Variants in CDH23 observed in about 807,000 individuals in gnomAD.
The protein encoded by CDH23 is cadherin-23.
CDH23 carries 189 observed loss-of-function variants against 317.1 expected under a neutral mutation model. The observed-to-expected ratio is 0.60, with a 90% CI of 0.53 to 0.67. The LOEUF is 0.67. CDH23 is among the 30% of genes least tolerant of loss of function. The pLI is 0.00. For missense variants in CDH23, 4,401 were observed against 4,592.4 expected, an observed-to-expected ratio of 0.96 and a Z score of 1.20; for synonymous variants, 1,839 against 1,876.8, an observed-to-expected ratio of 0.98 and a Z score of 0.52.
intron 6 of CDH23, among the ~76,000 whole-genome samples, chr10:71,557,375 C>T (rs1393891975): frequency 6.6e-6 from 1 of 152,156 alleles, no homozygotes; most frequent in Non-Finnish European, 1.5e-5. Context: ...GGAGTGTCCA[C>T]CCTCCTGTCT....
intron 1 of CDH23, among the ~76,000 whole-genome samples, chr10:71,430,371 G>C (rs1849314279): frequency 6.6e-6 from 1 of 152,076 alleles, no homozygotes; most frequent in Non-Finnish European, 1.5e-5. Flanking sequence ...TGGTGGAGGG[G>C]GTATAACTTG....
At chr10:71,489,839 C>T (rs1005587577) in intron 3 of CDH23, among the ~76,000 whole-genome samples, 1 of 152,202 alleles carries the variant, frequency 6.6e-6, no homozygotes, top group African/African-American at 2.4e-5. Context: ...GCTGCAAATG[C>T]AGATGTGGGC....
At chr10:71,578,586 C>T (rs751263178) in intron 9 of CDH23, among the ~76,000 whole-genome samples, 2 of 152,156 alleles carry the variant, frequency 1.3e-5, no homozygotes, top group Non-Finnish European at 2.9e-5. Context: ...GATGGGATCC[C>T]TGACCCACGC....
At chr10:71,506,688 A>G (rs1209585092) in intron 3 of CDH23, among the ~76,000 whole-genome samples, 1 of 152,062 alleles carries the variant, frequency 6.6e-6, no homozygotes, top group Non-Finnish European at 1.5e-5. Flanking sequence ...CAGCTTCTGT[A>G]GAGAGGCAGA....
intron 11 of CDH23, among the ~76,000 whole-genome samples, chr10:71,622,720 G>A (rs1489148864): frequency 6.6e-6 from 1 of 152,204 alleles, no homozygotes; most frequent in Admixed American, 6.5e-5. Context: ...CTCCAGAGCT[G>A]GGAGCATTTG....
intron 3 of CDH23, among the ~76,000 whole-genome samples, chr10:71,453,782 AAAGC>A (rs2132041340): frequency 6.6e-6 from 1 of 152,378 alleles, no homozygotes; most frequent in South Asian, 2.1e-4. Context: ...GGCTGGTGGC[AAAGC>A]CACAGGAATT....
At chr10:71,632,992 G>A (rs1862087857) in intron 11 of CDH23, among the ~76,000 whole-genome samples, 2 of 152,140 alleles carry the variant, frequency 1.3e-5, no homozygotes, top group South Asian at 2.1e-4. Context: ...GCAGAGTCAC[G>A]GGGTGGTGCA....
chr10:71,571,860 G>A (rs1857838440), intron 8 of CDH23, among the ~76,000 whole-genome samples: 1 of 152,232 alleles, frequency 6.6e-6, no homozygotes, highest in African/African-American at 2.4e-5. Flanking sequence ...GAGCGTTCAG[G>A]GCCCCACCCG....
chr10:71,667,359 A>AGAGAGAGTGTGTGT lies in CDH23; in HGVS notation c.1450-7752_1450-7751insAGAGAGTGTGTGTG, dbSNP rs58361666. Among the ~76,000 whole-genome samples, 1,050 of 111,988 alleles carry AGAGAGAGTGTGTGT rather than the reference A, an allele frequency of 9.4e-3. 7 individuals are homozygous for AGAGAGAGTGTGTGT. The highest frequency in any genetic ancestry group is 0.03 in the Middle Eastern group (7 of 230). 73.5% of individuals were successfully genotyped at this position (111,988 alleles called of 152,430 possible). The stretch of plus-strand genomic sequence containing the variant: ...GCTTGAGGCAGAGAAAGAGAGAGAG[A>AGAGAGAGTGTGTGT]GTGTGTGTGTGTGTGTGTGTGTGTG... On this transcript the variant is annotated intron_variant, in intron 14 of 69. Transcript: ENST00000224721.
At chr10:71,511,239 G>C in intron 6 of CDH23, 27 bp downstream of exon 6, 1 of 1,585,442 alleles carries the variant, frequency 6.3e-7, no homozygotes, top group Non-Finnish European at 8.7e-7. Context: ...TTACCCTTGA[G>C]GGTATCAGAG....
chr10:71,661,580 A>G (rs1451685257), intron 14 of CDH23, among the ~76,000 whole-genome samples: 1 of 152,084 alleles, frequency 6.6e-6, no homozygotes, highest in Non-Finnish European at 1.5e-5. Context: ...CTCTTCTCTC[A>G]GTGGGTTTCT....
intron 6 of CDH23, among the ~76,000 whole-genome samples, chr10:71,520,248 C>T (rs1265154068): frequency 1.3e-5 from 2 of 152,188 alleles, no homozygotes; most frequent in African/African-American, 4.8e-5. Context: ...AACTGACATT[C>T]CAGTGGCAGT....
chr10:71,528,996 G>C (rs1460113981), intron 6 of CDH23, among the ~76,000 whole-genome samples: 8 of 151,556 alleles, frequency 5.3e-5, no homozygotes, highest in Admixed American at 6.6e-5. Context: ...CTGTTCTATG[G>C]GAGGGTCTCT....
chr10:71,668,928 C>A (rs1864026411), intron 14 of CDH23, among the ~76,000 whole-genome samples: 1 of 152,230 alleles, frequency 6.6e-6, no homozygotes, highest in Non-Finnish European at 1.5e-5. Flanking sequence ...TAAGCACTTG[C>A]AGATGCGATT....
intron 38 of CDH23, among the ~76,000 whole-genome samples, chr10:71,770,006 A>G (rs373018171): frequency 6.6e-6 from 1 of 152,152 alleles, no homozygotes; most frequent in Non-Finnish European, 1.5e-5. Flanking sequence ...GGCATTTCAG[A>G]CTGTGAGGGC....
chr10:71,519,759 T>C lies in CDH23; in HGVS notation c.429+8547T>C, dbSNP rs371528084. 7.9e-5 allele frequency among the ~76,000 whole-genome samples: 12 copies of C among 152,322 alleles called. No homozygotes were observed. The East Asian group carries it at 1.5e-3, about 20-fold the overall frequency. The stretch of plus-strand genomic sequence containing the variant: ...GGTTGTACTTGGTAACTGATGGGTA[T>C]TACCTTTTTTCTTTTCTTTTTCTTT... On this transcript the variant is annotated intron_variant, in intron 6 of 69. Transcript: ENST00000224721.
chr10:71,718,624 C>T (rs1442777809), intron 28 of CDH23, among the ~76,000 whole-genome samples: 5 of 152,198 alleles, frequency 3.3e-5, no homozygotes, highest in Non-Finnish European at 7.3e-5. Flanking sequence ...CAATGCTTGG[C>T]CAGGAGTAAG....
chr10:71,627,510 A>G (rs1420320280), intron 11 of CDH23, among the ~76,000 whole-genome samples: 3 of 152,046 alleles, frequency 2.0e-5, no homozygotes, highest in Admixed American at 6.5e-5. Context: ...ACACCTCCTA[A>G]TTTAGTCTCT....
Position 71,751,255 on chromosome 10 carries a change from A to G in CDH23, c.4845+9334A>G, listed in dbSNP as rs1564774557. On this transcript the variant is annotated intron_variant, in intron 38 of 69. Coordinates refer to ENST00000224721, the MANE Select transcript of CDH23 (RefSeq NM_022124.6). The surrounding 1 kb of genome is among the most constrained non-coding windows in gnomAD (Gnocchi z 4.9). ...CAGCCCACTGTCCCCCAGCTGGGCTAGATGACCTCAAAGTTTGGAGAGTCA... is the reference window on the plus strand; with the variant it reads ...CAGCCCACTGTCCCCCAGCTGGGCTGGATGACCTCAAAGTTTGGAGAGTCA... The G allele has an allele frequency of 1.2e-6, 2 of 1,609,394 alleles. No individual in the cohort carries two copies.
Sources: gnomAD v4.1 joint callset for allele counts (sites outside exome capture counted in the v4.1 genomes callset) on GRCh38, gnomAD v4.1.1 for gene constraint, Gnocchi (gnomAD v3.1) non-coding constraint, MANE v1.5 for transcripts, NCBI Gene and HGNC (gene_info 2026-07-23, HGNC 2026-07-21) for gene names.